PKP2: variants seen among roughly 807,000 people sequenced by gnomAD.
The protein encoded by PKP2 is plakophilin 2.
In PKP2, 73 loss-of-function variants were observed where a neutral mutation model predicts 83.4. The observed-to-expected ratio is 0.88, with a 90% CI of 0.72 to 1.06. The LOEUF is 1.06. PKP2 is among the 50% of genes least tolerant of loss of function. PKP2 has a pLI of 0.00. For missense variants in PKP2, 966 were observed against 1,065.4 expected (o/e 0.91, Z 1.30); for synonymous variants, 409 against 430.4 (o/e 0.95, Z 0.62).
chr12:32,796,621 G>A (rs545303855), intron 10 of PKP2, among the ~76,000 whole-genome samples: 10 of 151,866 alleles, frequency 6.6e-5, no homozygotes, highest in African/African-American at 2.4e-4. Context: ...GGATGGTCTC[G>A]ATCTCCTGAC....
intron 9 of PKP2, among the ~76,000 whole-genome samples, chr12:32,808,495 G>C (rs1956245792): frequency 6.6e-6 from 1 of 152,162 alleles, no homozygotes; most frequent in South Asian, 2.1e-4. Context: ...AGCGAAGTTT[G>C]TTATTTCCCA....
intron 9 of PKP2, among the ~76,000 whole-genome samples, chr12:32,811,888 T>C (rs1194224976): frequency 6.6e-6 from 1 of 152,178 alleles, no homozygotes; most frequent in African/African-American, 2.4e-5. Flanking sequence ...TTTGTCATTT[T>C]CAACAATATC....
At chr12:32,872,947 G>A (rs1384057420) in intron 3 of PKP2, among the ~76,000 whole-genome samples, 1 of 152,194 alleles carries the variant, frequency 6.6e-6, no homozygotes, top group Non-Finnish European at 1.5e-5. Flanking sequence ...ACTAAAGCAG[G>A]TAGTAATTAA....
chr12:32,800,491 A>G (rs1000646908), intron 10 of PKP2, among the ~76,000 whole-genome samples: 2 of 152,228 alleles, frequency 1.3e-5, no homozygotes, highest in Non-Finnish European at 2.9e-5. Flanking sequence ...CATACTGTGG[A>G]GAGCTCAGCG....
At chr12:32,843,334 G>T in intron 5 of PKP2, 1 of 1,364,522 alleles carries the variant, frequency 7.3e-7, no homozygotes. Context: ...GAAAGAGGAA[G>T]CATAGGTACT....
At chr12:32,868,645 C>T (rs2137918164) in intron 4 of PKP2, among the ~76,000 whole-genome samples, 1 of 152,268 alleles carries the variant, frequency 6.6e-6, no homozygotes, top group East Asian at 1.9e-4. Context: ...GCCTCAGCCT[C>T]TCGAGTAGCT....
intron 3 of PKP2, among the ~76,000 whole-genome samples, chr12:32,872,275 G>T (rs1689525779): frequency 6.6e-6 from 1 of 152,096 alleles, no homozygotes. Flanking sequence ...GCTCATACCT[G>T]TAATTCCAGC....
intron 3 of PKP2, among the ~76,000 whole-genome samples, chr12:32,874,327 G>A (rs775268247): frequency 7.2e-5 from 11 of 152,274 alleles, no homozygotes; most frequent in South Asian, 4.1e-4. Context: ...GAAATGAGGC[G>A]TGGAGCCCAG....
intron 8 of PKP2, among the ~76,000 whole-genome samples, chr12:32,822,054 T>C (rs1956384946): frequency 6.6e-6 from 1 of 152,234 alleles, no homozygotes; most frequent in Non-Finnish European, 1.5e-5. Flanking sequence ...TTTTAGTATG[T>C]CCAAAGTTTG....
In PKP2 at chr12:32,852,234, C is replaced by A. The variant is rs145341743; in HGVS notation, c.1171-1261G>T. ...AACGGGCATGAACTTGCCTTTCAGACGAAGTTTGTCACTTAGGAAGGACAC... is the reference window on the plus strand; with the variant it reads ...AACGGGCATGAACTTGCCTTTCAGAAGAAGTTTGTCACTTAGGAAGGACAC... On this transcript the variant is annotated intron_variant, in intron 4 of 12. Transcript: ENST00000340811. Among the ~76,000 whole-genome samples, 3 of 152,290 alleles carry A rather than the reference C, an allele frequency of 2.0e-5. No homozygotes were observed. In the East Asian group the frequency reaches 5.8e-4, roughly 29 times the overall value.
Position 32,821,470 on chromosome 12 carries a change from C to T in PKP2, c.1899G>A (p.Leu633=). Residue 633 remains leucine (L), a synonymous_variant, in exon 9 of 13, where the codon CTG becomes CTA. Transcript: ENST00000340811. ...EKSNPKGVEW[L]WHSIVIRMYL... ...ACATCCTTATAACAATGGAATGCCA[C>T]AGCCACTCCACGCCCTTGGGGTTGC... 2 of 1,614,010 alleles carry T rather than the reference C, an allele frequency of 1.2e-6. No individual in the cohort carries two copies. The highest frequency in any genetic ancestry group is 3.3e-4 in the Middle Eastern group (2 of 6,060).
chr12:32,850,277 T>C (rs1343808324), intron 5 of PKP2, among the ~76,000 whole-genome samples: 1 of 152,160 alleles, frequency 6.6e-6, no homozygotes, highest in Admixed American at 6.5e-5. Flanking sequence ...CTGGGCGCAG[T>C]GGCTCATGGC....
At chr12:32,822,917 C>T (rs994181071) in intron 7 of PKP2, among the ~76,000 whole-genome samples, 3 of 151,998 alleles carry the variant, frequency 2.0e-5, no homozygotes, top group Non-Finnish European at 4.4e-5. Context: ...ACTTACTAGC[C>T]ATGTTGAGCT....
At chr12:32,873,821 C>T (rs57049661) in intron 3 of PKP2, among the ~76,000 whole-genome samples, 1 of 152,162 alleles carries the variant, frequency 6.6e-6, no homozygotes, top group Admixed American at 6.5e-5. Flanking sequence ...TGAGCCACCG[C>T]GTCCGGCCCA....
intron 9 of PKP2, among the ~76,000 whole-genome samples, chr12:32,806,717 T>G (rs1286575925): frequency 6.6e-6 from 1 of 152,098 alleles, no homozygotes; most frequent in Non-Finnish European, 1.5e-5. Flanking sequence ...TGTATCTCCT[T>G]CAGTTCCACT....
intron 10 of PKP2, among the ~76,000 whole-genome samples, chr12:32,798,081 C>CG (rs1394732507): frequency 9.6e-5 from 6 of 62,784 alleles, no homozygotes; most frequent in East Asian, 5.5e-4. Flanking sequence ...TAATACTACT[C>CG]TTGTTTTTTT....
chr12:32,856,148 T>C (rs754911184), intron 4 of PKP2, among the ~76,000 whole-genome samples: 10 of 152,228 alleles, frequency 6.6e-5, no homozygotes, highest in Non-Finnish European at 1.3e-4. Context: ...TAGTAAGTTT[T>C]TGCAAGATAC....
intron 4 of PKP2, among the ~76,000 whole-genome samples, chr12:32,865,890 C>T (rs1160194223): frequency 6.6e-6 from 1 of 151,932 alleles, no homozygotes; most frequent in African/African-American, 2.4e-5. Context: ...AAAAAATTAA[C>T]CACAAATGGA....
At chr12:32,888,784 C>T (rs1025737781) in intron 1 of PKP2, among the ~76,000 whole-genome samples, 5 of 144,890 alleles carry the variant, frequency 3.5e-5, no homozygotes, top group Admixed American at 7.2e-5. Flanking sequence ...TGAGCCACTG[C>T]GCCCGGCCTC....
Sources: allele counts gnomAD v4.1 joint callset (sites outside exome capture counted in the v4.1 genomes callset), GRCh38; gene constraint gnomAD v4.1.1; transcripts MANE v1.5; gene names NCBI Gene and HGNC (gene_info 2026-07-23, HGNC 2026-07-21).